ASCC1: variants seen among roughly 807,000 people sequenced by gnomAD.
The protein encoded by ASCC1 is activating signal cointegrator 1 complex subunit 1, also known as ASC-1 complex subunit P50.
A neutral mutation model predicts 46.6 loss-of-function variants in ASCC1; 35 were observed. The observed-to-expected ratio is 0.75, with a 90% confidence interval of 0.57 to 0.99. The LOEUF is 0.99. ASCC1 is among the 50% of genes least tolerant of loss of function. ASCC1 has a pLI of 0.00. For missense variants in ASCC1, 376 were observed against 428.7 expected (o/e 0.88, Z 1.09); for synonymous variants, 143 against 146.6 (o/e 0.98, Z 0.18).
chr10:72,186,829 C>A (rs538271723), intron 5 of ASCC1, among the ~76,000 whole-genome samples: 2 of 150,310 alleles, frequency 1.3e-5, no homozygotes, highest in African/African-American at 4.9e-5. Context: ...ATGACGTTCA[C>A]AGCGAACAAG....
chr10:72,170,610 A>AAAAG (rs1422137079), intron 5 of ASCC1, among the ~76,000 whole-genome samples: 24 of 150,592 alleles, frequency 1.6e-4, no homozygotes, highest in African/African-American at 5.4e-4. Flanking sequence ...AAAAAAAAAA[A>AAAAG]AAAGAAAGAA....
At chr10:72,117,366 T>C (rs1049926396) in intron 9 of ASCC1, among the ~76,000 whole-genome samples, 1 of 152,236 alleles carries the variant, frequency 6.6e-6, no homozygotes, top group Non-Finnish European at 1.5e-5. Context: ...TTCTGTTTGC[T>C]ACTGCCATAT....
intron 5 of ASCC1, among the ~76,000 whole-genome samples, chr10:72,163,584 A>C (rs913673735): frequency 6.6e-6 from 1 of 151,904 alleles, no homozygotes; most frequent in Non-Finnish European, 1.5e-5. Context: ...AAAATACAAA[A>C]ATTAGCCGGG....
At chr10:72,112,482 G>A (rs952912854) in intron 9 of ASCC1, among the ~76,000 whole-genome samples, 4 of 151,838 alleles carry the variant, frequency 2.6e-5, no homozygotes, top group African/African-American at 7.3e-5. Context: ...TTCTGGAGAT[G>A]GATAGTGATG....
intron 5 of ASCC1, among the ~76,000 whole-genome samples, chr10:72,182,988 T>C (rs1353448134): frequency 2.1e-5 from 3 of 144,962 alleles, no homozygotes; most frequent in African/African-American, 8.6e-5. Context: ...TTTTTCTACA[T>C]TGAAATTATT....
intron 5 of ASCC1, among the ~76,000 whole-genome samples, chr10:72,173,570 A>G (rs1005443291): frequency 6.6e-6 from 1 of 152,218 alleles, no homozygotes; most frequent in Admixed American, 6.5e-5. Flanking sequence ...ATAATTTACA[A>G]GTAACTCCAC....
intron 5 of ASCC1, among the ~76,000 whole-genome samples, chr10:72,193,324 A>C (rs1020389464): frequency 3.9e-5 from 6 of 152,322 alleles, no homozygotes; most frequent in African/African-American, 1.2e-4. Flanking sequence ...CAAACTCCTG[A>C]GACACACACA....
intron 6 of ASCC1, among the ~76,000 whole-genome samples, chr10:72,155,050 T>A (rs549733914): frequency 6.6e-6 from 1 of 152,146 alleles, no homozygotes; most frequent in East Asian, 1.9e-4. Flanking sequence ...TTTACAACAA[T>A]GTGCATGCTA....
At chr10:72,141,082 T>C (rs1373717568) in intron 7 of ASCC1, among the ~76,000 whole-genome samples, 3 of 151,596 alleles carry the variant, frequency 2.0e-5, no homozygotes, top group African/African-American at 7.3e-5. Context: ...GATAGATAGA[T>C]AGATATAGAT....
At chr10:72,164,200 G>A (rs1278922402) in intron 5 of ASCC1, among the ~76,000 whole-genome samples, 1 of 152,038 alleles carries the variant, frequency 6.6e-6, no homozygotes, top group Non-Finnish European at 1.5e-5. Flanking sequence ...GACCTCAGGT[G>A]ATCCGCCCAT....
At chr10:72,159,820 C>T (rs1268920565) in intron 6 of ASCC1, among the ~76,000 whole-genome samples, 1 of 151,794 alleles carries the variant, frequency 6.6e-6, no homozygotes, top group Non-Finnish European at 1.5e-5. Context: ...AGCTTATGAT[C>T]TTGCTCAAGA....
chr10:72,164,545 T>C (rs1850104439), intron 5 of ASCC1, among the ~76,000 whole-genome samples: 2 of 152,230 alleles, frequency 1.3e-5, no homozygotes, highest in Admixed American at 6.5e-5. Context: ...CTATTGAAGA[T>C]TTGGGTTTTT....
intron 4 of ASCC1, among the ~76,000 whole-genome samples, chr10:72,197,725 G>A (rs747714676): frequency 1.5e-4 from 22 of 151,438 alleles, no homozygotes; most frequent in Non-Finnish European, 3.1e-4. Context: ...GGCCAATATG[G>A]CAAAACCCCA....
chr10:72,186,621 C>T (rs950369739), intron 5 of ASCC1, among the ~76,000 whole-genome samples: 1 of 152,150 alleles, frequency 6.6e-6, no homozygotes, highest in African/African-American at 2.4e-5. Context: ...ATCTTCGTGT[C>T]ATTCTAACAT....
At chr10:72,204,533 G>C (rs767342100) in intron 3 of ASCC1, 1 of 1,549,680 alleles carries the variant, frequency 6.5e-7, no homozygotes, top group African/African-American at 1.4e-5. Flanking sequence ...AGAAGTTTCA[G>C]AGTCTATAAA....
Position 72,097,125 on chromosome 10 carries a change from T to C in ASCC1, c.*209A>G, listed in dbSNP as rs1183472067. 6 of 643,218 alleles carry C rather than the reference T, an allele frequency of 9.3e-6. No homozygotes were observed. The highest frequency in any genetic ancestry group is 8.9e-5 in the African/African-American group (5 of 56,080). The allele number at this position is 643,218 out of a possible 1,614,324, so 39.8% of individuals were successfully genotyped here. ...AAAAACCAGAACACACTAAGGGTTATAGGCACAAATTCTCCTTATGCCCAC... is the reference window on the plus strand; with the variant it reads ...AAAAACCAGAACACACTAAGGGTTACAGGCACAAATTCTCCTTATGCCCAC... On this transcript the variant is annotated 3_prime_UTR_variant, in exon 10 of 10. Transcript: ENST00000672957.
chr10:72,171,431 CTTT>C (rs113830754), intron 5 of ASCC1, among the ~76,000 whole-genome samples: 3 of 148,186 alleles, frequency 2.0e-5, no homozygotes, highest in South Asian at 4.3e-4. Flanking sequence ...CTGATTTCCT[CTTT>C]TTTTTTTTCT....
intron 6 of ASCC1, among the ~76,000 whole-genome samples, chr10:72,154,963 TA>T (rs940330787): frequency 2.0e-5 from 3 of 152,056 alleles, no homozygotes; most frequent in African/African-American, 4.8e-5. Flanking sequence ...TAAAACAATA[TA>T]AAAAACATTA....
At chr10:72,189,265 G>C (rs11819693) in intron 5 of ASCC1, among the ~76,000 whole-genome samples, 61,353 of 151,124 alleles carry the variant, frequency 0.41, 13,747 homozygotes, top group Non-Finnish European at 0.52. Context: ...AAAATTAGCC[G>C]GGCGGGGTGG....
Sources: allele counts gnomAD v4.1 joint callset (sites outside exome capture counted in the v4.1 genomes callset), GRCh38; gene constraint gnomAD v4.1.1; transcripts MANE v1.5; gene names NCBI Gene and HGNC (gene_info 2026-07-23, HGNC 2026-07-21).